JCAD: variants seen among roughly 807,000 people sequenced by gnomAD.
JCAD encodes junctional cadherin 5-associated protein.
In JCAD, 40 loss-of-function variants were observed where a neutral mutation model predicts 98.0. That is an observed-to-expected ratio of 0.41 (90% CI 0.32 to 0.53). JCAD has a LOEUF of 0.53. JCAD is among the 20% of genes least tolerant of loss of function. The pLI, the probability that JCAD is intolerant of heterozygous loss-of-function variation, is 0.31. For missense variants in JCAD, 1,705 were observed against 1,738.1 expected, an observed-to-expected ratio of 0.98 and a Z score of 0.34; for synonymous variants, 691 against 682.3, an observed-to-expected ratio of 1.01 and a Z score of -0.20.
chr10:30,026,830 C>G lies in JCAD; in HGVS notation c.3318G>C (p.Ala1106=). The G allele has an allele frequency of 6.2e-7, 1 of 1,614,024 alleles. No homozygotes were observed. The highest frequency in any genetic ancestry group is 1.1e-5 in the South Asian group (1 of 91,084). Residue 1106 remains alanine, a synonymous_variant, in exon 3 of 4, where the codon GCG becomes GCC. Coordinates refer to ENST00000375377, the MANE Select transcript of JCAD (RefSeq NM_020848.4). ...VESLLPGIRR[A]GQNQPAEPDA... ...CGGGCTCAGCAGGCTGGTTCTGTCC[C>G]GCTCTCCGGATGCCCGGCAGGAGGG...
chr10:30,076,224 A>C (rs1837978075), intron 1 of JCAD, among the ~76,000 whole-genome samples: 1 of 152,096 alleles, frequency 6.6e-6, no homozygotes, highest in East Asian at 1.9e-4. Flanking sequence ...GCATGGTTTC[A>C]TCATGTTGGC....
rs1836810973 is a variant in JCAD at position 30,026,654 on chromosome 10, C to T, written c.3494G>A (p.Ser1165Asn). 6.2e-7 allele frequency: 1 copy of T among 1,613,184 alleles called. No individual in the cohort carries two copies. The highest frequency in any genetic ancestry group is 2.2e-5 in the East Asian group (1 of 44,886). The change falls in exon 3 of 4, where the codon AGT becomes AAT. Residue 1165 changes from serine (S) to asparagine (N), a missense_variant. Physicochemically the swap from Ser to Asn is conservative, Grantham distance 46. Around this residue, in one of 3 missense-constraint regions of JCAD, gnomAD observed 1,278 missense variants for 1,243.1 expected, o/e 1.03. Coordinates refer to ENST00000375377, the MANE Select transcript of JCAD (RefSeq NM_020848.4). ...KSPLFVGDRDSARRAPQAFEH... is the reference protein window; with the variant it reads ...KSPLFVGDRDNARRAPQAFEH... ...AAAAGCCTGAGGAGCCCGCCTGGCACTGTCCCTGTCCCCTACAAAGAGAGG... is the reference window on the plus strand; with the variant it reads ...AAAAGCCTGAGGAGCCCGCCTGGCATTGTCCCTGTCCCCTACAAAGAGAGG...
chr10:30,103,625 CA>C (rs77358895), intron 1 of JCAD, among the ~76,000 whole-genome samples: 34,756 of 151,546 alleles, frequency 0.23, 4,699 homozygotes, highest in East Asian at 0.33. Context: ...CACACACACA[CA>C]CACACCCACA....
chr10:30,057,454 G>A (rs1589698426), intron 1 of JCAD, among the ~76,000 whole-genome samples: 1 of 152,016 alleles, frequency 6.6e-6, no homozygotes, highest in African/African-American at 2.4e-5. Context: ...TATAGCTGCC[G>A]AACAATAGAC....
intron 1 of JCAD, among the ~76,000 whole-genome samples, chr10:30,109,311 A>G (rs2132718637): frequency 6.6e-6 from 1 of 152,184 alleles, no homozygotes; most frequent in Admixed American, 6.5e-5. Context: ...TTCATTAAGG[A>G]CCTTTCACTC....
At chr10:30,068,252 A>G (rs1005545427) in intron 2 of JCAD, among the ~76,000 whole-genome samples, 1 of 152,058 alleles carries the variant, frequency 6.6e-6, no homozygotes, top group African/African-American at 2.4e-5. Context: ...TTAGCCGGGC[A>G]TGGTGGCAGG....
At chr10:30,020,326 C>CAAAAAAAAA (rs59762991) in intron 3 of JCAD, among the ~76,000 whole-genome samples, 2 of 83,054 alleles carry the variant, frequency 2.4e-5, no homozygotes, top group East Asian at 3.7e-4. Flanking sequence ...GACTCGGTCT[C>CAAAAAAAAA]AAAAAAAAAA....
chr10:30,036,896 C>T (rs1671803421), intron 2 of JCAD, among the ~76,000 whole-genome samples: 1 of 152,344 alleles, frequency 6.6e-6, no homozygotes, highest in African/African-American at 2.4e-5. Flanking sequence ...CTTTCCATTG[C>T]TTTCCAACCC....
intron 1 of JCAD, among the ~76,000 whole-genome samples, chr10:30,105,708 A>G (rs762768360): frequency 6.6e-6 from 1 of 152,206 alleles, no homozygotes; most frequent in Non-Finnish European, 1.5e-5. Flanking sequence ...TTAGTTTCAG[A>G]AAATTAAGAA....
At chr10:30,090,093 T>A (rs956231980) in intron 1 of JCAD, among the ~76,000 whole-genome samples, 5 of 152,230 alleles carry the variant, frequency 3.3e-5, no homozygotes, top group Non-Finnish European at 7.3e-5. Context: ...CCCAAACAGC[T>A]GCTGGGCTCA....
In JCAD at chr10:30,014,578, G is replaced by A. The variant is rs2132593409; in HGVS notation, c.*3305C>T. 1 of 152,294 alleles carries A rather than the reference G, an allele frequency of 6.6e-6. No individual in the cohort carries two copies. The highest frequency in any genetic ancestry group is 3.4e-3 in the Middle Eastern group (1 of 294). 9.4% of individuals were successfully genotyped at this position (152,294 alleles called of 1,614,324 possible). On this transcript the variant is annotated 3_prime_UTR_variant, in exon 4 of 4. Coordinates refer to ENST00000375377, the MANE Select transcript of JCAD (RefSeq NM_020848.4). ...TCTCTGGGGGTCACAAGATGAAATG[G>A]TAGGTGAATGTTATCTTCTATCAGC...
chr10:30,062,802 A>G (rs1047444466), upstream of JCAD, among the ~76,000 whole-genome samples: 3 of 152,176 alleles, frequency 2.0e-5, no homozygotes, highest in African/African-American at 2.4e-5. Context: ...CCATGATTCA[A>G]TTACCTCCCA....
At chr10:30,024,922 C>G (rs1836755809) in intron 3 of JCAD, among the ~76,000 whole-genome samples, 1 of 151,984 alleles carries the variant, frequency 6.6e-6, no homozygotes, top group South Asian at 2.1e-4. Flanking sequence ...GTCTCGATCT[C>G]CTGACCTCGT....
In JCAD at chr10:30,067,870, T is replaced by G. The variant is rs932955573; in HGVS notation, n.250+1830A>C. On this transcript the variant is annotated intron_variant and non_coding_transcript_variant, in intron 2 of 2. Coordinates refer to the JCAD transcript ENST00000465712. ...AAGGTGGTGTAGCCTACTGCATACC[T>G]AGGCTACGTGCTATAGCCTATTACT... Among the ~76,000 whole-genome samples the G allele has an allele frequency of 3.3e-5, 5 of 152,322 alleles. No individual in the cohort carries two copies. The East Asian group carries it at 9.6e-4, about 29-fold the overall frequency.
Position 30,059,528 on chromosome 10 carries a change from G to A in JCAD, c.-106C>T, listed in dbSNP as rs192539037. On this transcript the variant is annotated 5_prime_UTR_variant, in exon 1 of 4. Transcript: ENST00000375377. This position sits in a 1 kb window ranked among gnomAD's most constrained non-coding sequence, Gnocchi z 5.0. ...CTCGCGCCGCCACCGCCGCCGCTCC[G>A]GCCGGCCGGGGACCAGCGCGACCCG... The A allele has an allele frequency of 0.037, 5,466 of 147,906 alleles. 223 individuals carry two copies. The highest frequency in any genetic ancestry group is 0.093 in the African/African-American group (3,589 of 38,688). 9.2% of individuals were successfully genotyped at this position (147,906 alleles called of 1,614,324 possible). A position where few individuals can be genotyped will look rare whatever the true frequency, so the allele number is the denominator to read the frequency against.
At chr10:30,064,454 G>A (rs1039368097), upstream of JCAD, among the ~76,000 whole-genome samples, 1 of 152,112 alleles carries the variant, frequency 6.6e-6, no homozygotes, top group African/African-American at 2.4e-5. Context: ...CCCACCTGCG[G>A]GTATTCTGTT....
chr10:30,107,834 A>G (rs1445270944), intron 1 of JCAD, among the ~76,000 whole-genome samples: 1 of 152,178 alleles, frequency 6.6e-6, no homozygotes, highest in African/African-American at 2.4e-5. Flanking sequence ...AAGCCCCATC[A>G]TTTCAGAATT....
upstream of JCAD, among the ~76,000 whole-genome samples, chr10:30,062,173 A>G (rs1589701161): frequency 6.6e-6 from 1 of 152,356 alleles, no homozygotes; most frequent in East Asian, 1.9e-4. Flanking sequence ...ATTGTATTTT[A>G]GCAGAAAGGC....
chr10:30,038,688 TAAAAAAAAAA>T (rs11402293), intron 2 of JCAD, among the ~76,000 whole-genome samples: 2,233 of 122,046 alleles, frequency 0.018, 64 homozygotes, highest in African/African-American at 0.065. Context: ...TGTCTCAAAA[TAAAAAAAAAA>T]AAAAAAAGAA....
Sources: allele counts gnomAD v4.1 joint callset (sites outside exome capture counted in the v4.1 genomes callset), GRCh38; gene constraint gnomAD v4.1.1; regional missense constraint gnomAD v4.1.1; non-coding constraint Gnocchi (gnomAD v3.1); transcripts MANE v1.5; gene names NCBI Gene and HGNC (gene_info 2026-07-23, HGNC 2026-07-21).